The following LRRIQ1 variants were observed in gnomAD, a reference collection of about 807,000 sequenced individuals.
The protein encoded by LRRIQ1 is leucine-rich repeat- and IQ domain-containing protein 1.
Under a neutral mutation model 211.9 loss-of-function variants are expected in LRRIQ1, and 210 were observed. The observed-to-expected ratio is 0.99, with a 90% CI of 0.89 to 1.11. The LOEUF is 1.11. Ranked by LOEUF, LRRIQ1 falls within the 50% of genes most tolerant of loss-of-function variation. LRRIQ1 has a pLI of 0.00. For synonymous variants in LRRIQ1, 699 were observed against 650.1 expected (o/e 1.08, Z -1.14); for missense variants, 2,136 against 1,939.5 (o/e 1.10, Z -1.90).
chr12:85,053,736 C>T (rs1028601201), intron 7 of LRRIQ1, among the ~76,000 whole-genome samples: 2 of 152,106 alleles, frequency 1.3e-5, no homozygotes, highest in Non-Finnish European at 2.9e-5. Flanking sequence ...AAGATGGAGT[C>T]TCGCTCCGTC....
chr12:85,190,267 A>G (rs1204435621), intron 24 of LRRIQ1, among the ~76,000 whole-genome samples: 1 of 144,980 alleles, frequency 6.9e-6, no homozygotes, highest in Non-Finnish European at 1.5e-5. Context: ...AACTGTAACT[A>G]CACAGTTAAC....
chr12:85,148,963 TG>T (rs1490177064), intron 19 of LRRIQ1, among the ~76,000 whole-genome samples: 1 of 152,068 alleles, frequency 6.6e-6, no homozygotes, highest in African/African-American at 2.4e-5. Context: ...GAGAAGTGTC[TG>T]TTTATGTCCT....
At chr12:85,203,459 G>A (rs1893397436) in intron 24 of LRRIQ1, among the ~76,000 whole-genome samples, 1 of 152,176 alleles carries the variant, frequency 6.6e-6, no homozygotes. Context: ...GGTGGGAACA[G>A]TTTGGGGGGC....
chr12:85,061,977 C>G (rs1881862746), intron 8 of LRRIQ1, among the ~76,000 whole-genome samples: 1 of 151,634 alleles, frequency 6.6e-6, no homozygotes, highest in African/African-American at 2.4e-5. Context: ...CTTTATATCA[C>G]CATGAACACA....
At chr12:85,112,331 A>G (rs1887238624) in intron 15 of LRRIQ1, among the ~76,000 whole-genome samples, 1 of 151,636 alleles carries the variant, frequency 6.6e-6, no homozygotes, top group Admixed American at 6.6e-5. Flanking sequence ...AGTTTTTAAA[A>G]TCAATATTAA....
intron 24 of LRRIQ1, among the ~76,000 whole-genome samples, chr12:85,206,337 A>G (rs186316015): frequency 6.6e-6 from 1 of 152,304 alleles, no homozygotes; most frequent in Non-Finnish European, 1.5e-5. Flanking sequence ...GGCAGGTGGC[A>G]GGGCTGCTGG....
At chr12:85,068,117 A>G (rs1882642958) in intron 10 of LRRIQ1, among the ~76,000 whole-genome samples, 1 of 151,904 alleles carries the variant, frequency 6.6e-6, no homozygotes, top group Non-Finnish European at 1.5e-5. Flanking sequence ...GTAGAGGCTT[A>G]ATAATGGTTA....
At chr12:85,047,649 T>G (rs1040287623) in intron 6 of LRRIQ1, 179 bp downstream of exon 6, 14 of 525,878 alleles carry the variant, frequency 2.7e-5, no homozygotes, top group African/African-American at 2.3e-4. Flanking sequence ...TTAGTTTTTA[T>G]TGAAATTCAT....
At chr12:85,127,584 A>G (rs1888454593) in intron 17 of LRRIQ1, among the ~76,000 whole-genome samples, 1 of 152,166 alleles carries the variant, frequency 6.6e-6, no homozygotes, top group African/African-American at 2.4e-5. Flanking sequence ...CTCTCTCCTT[A>G]AAAGAAACAA....
At chr12:85,088,687 T>C (rs895067280) in intron 11 of LRRIQ1, among the ~76,000 whole-genome samples, 2 of 152,176 alleles carry the variant, frequency 1.3e-5, no homozygotes, top group Non-Finnish European at 2.9e-5. Context: ...GATTCCTAGG[T>C]ATTTTATTCT....
chr12:85,129,563 G>C (rs1054924125), intron 18 of LRRIQ1, among the ~76,000 whole-genome samples: 1 of 152,180 alleles, frequency 6.6e-6, no homozygotes, highest in Non-Finnish European at 1.5e-5. Flanking sequence ...TAGGATGGAT[G>C]TGTAAGACCA....
chr12:85,179,172 G>A (rs1228103366), intron 24 of LRRIQ1, among the ~76,000 whole-genome samples: 1 of 151,712 alleles, frequency 6.6e-6, no homozygotes, highest in Non-Finnish European at 1.5e-5. Flanking sequence ...TTTATTTCCT[G>A]TGTCTGTTAA....
intron 11 of LRRIQ1, among the ~76,000 whole-genome samples, chr12:85,096,505 C>T (rs1240552755): frequency 6.6e-6 from 1 of 152,072 alleles, no homozygotes; most frequent in Middle Eastern, 3.2e-3. Flanking sequence ...TATTTTTATG[C>T]TACTCTGGTC....
chr12:85,127,758 G>A, intron 17 of LRRIQ1, 74 bp from the exon 18 acceptor site: 1 of 1,228,966 alleles, frequency 8.1e-7, no homozygotes, highest in Non-Finnish European at 1.2e-6. Context: ...TCTTGTTTAG[G>A]AGGACCTTTT....
At chr12:85,134,632 A>G (rs1888996142) in intron 18 of LRRIQ1, among the ~76,000 whole-genome samples, 1 of 152,092 alleles carries the variant, frequency 6.6e-6, no homozygotes, top group Non-Finnish European at 1.5e-5. Flanking sequence ...ATCCTTAATC[A>G]TTGGAAATTA....
intron 11 of LRRIQ1, among the ~76,000 whole-genome samples, chr12:85,076,243 C>T (rs1035528821): frequency 1.1e-4 from 17 of 151,780 alleles, no homozygotes; most frequent in African/African-American, 2.2e-4. Flanking sequence ...ACAAAACAAA[C>T]GACTCTCTTG....
intron 24 of LRRIQ1, among the ~76,000 whole-genome samples, chr12:85,179,856 A>G (rs758267253): frequency 8.6e-5 from 13 of 151,894 alleles, no homozygotes; most frequent in Non-Finnish European, 1.6e-4. Context: ...CTATGTTTTT[A>G]TCTATTTCCT....
At chr12:85,088,248 A>C (rs1885030784) in intron 11 of LRRIQ1, among the ~76,000 whole-genome samples, 1 of 152,020 alleles carries the variant, frequency 6.6e-6, no homozygotes, top group Admixed American at 6.6e-5. Context: ...CAAAGATCAG[A>C]TGGTTGTAGA....
At chr12:85,264,786 A>G (rs1367034062), downstream of LRRIQ1, among the ~76,000 whole-genome samples, 1 of 152,026 alleles carries the variant, frequency 6.6e-6, no homozygotes, top group Non-Finnish European at 1.5e-5. Context: ...GACCTAGGCA[A>G]TGTTACTATT....
Sources: gnomAD v4.1 joint callset for allele counts (sites outside exome capture counted in the v4.1 genomes callset) on GRCh38, gnomAD v4.1.1 for gene constraint, MANE v1.5 for transcripts, NCBI Gene and HGNC (gene_info 2026-07-23, HGNC 2026-07-21) for gene names.